APBB2: variants seen among roughly 807,000 people sequenced by gnomAD.
APBB2 encodes amyloid beta precursor protein binding family B member 2, also known as Fe65-like 1.
A neutral mutation model predicts 82.5 loss-of-function variants in APBB2; 38 were observed. The observed-to-expected ratio is 0.46, with a 90% CI of 0.36 to 0.60. The LOEUF is 0.60. Ranked by LOEUF, APBB2 falls within the 20% of genes least tolerant of loss-of-function variation. The pLI is 0.00. For missense variants in APBB2, 772 were observed against 972.3 expected, an observed-to-expected ratio of 0.79 and a Z score of 2.74; for synonymous variants, 341 against 368.2, an observed-to-expected ratio of 0.93 and a Z score of 0.85.
rs112154831 is a variant in APBB2 at position 41,081,933 on chromosome 4, T to A, written c.-148-16260A>T. 7.7e-3 allele frequency among the ~76,000 whole-genome samples: 1,179 copies of A among 152,340 alleles called. 17 individuals carry two copies. Among genetic ancestry groups the A allele is most frequent in the African/African-American group, 0.026 (1,101 of 41,576 alleles). ...AAAAGCAAGTCAAATGAACTACCGA[T>A]ACTTTGACACCTACTACAAATACAG... On this transcript the variant is annotated intron_variant, in intron 3 of 17. Coordinates refer to ENST00000508593, the MANE Select transcript of APBB2 (RefSeq NM_004307.2).
chr4:40,844,611 C>CAGGT (rs1756973545), intron 12 of APBB2, among the ~76,000 whole-genome samples: 1 of 152,174 alleles, frequency 6.6e-6, no homozygotes, highest in African/African-American at 2.4e-5. Context: ...CCCCTTGGCT[C>CAGGT]AGGTCCCTCT....
intron 3 of APBB2, among the ~76,000 whole-genome samples, chr4:41,086,368 A>G (rs541813280): frequency 6.6e-6 from 1 of 152,326 alleles, no homozygotes; most frequent in Non-Finnish European, 1.5e-5. Context: ...AAAAATAAGA[A>G]AACTACAAGC....
At chr4:41,161,793 A>G (rs949227836) in intron 1 of APBB2, among the ~76,000 whole-genome samples, 1 of 152,168 alleles carries the variant, frequency 6.6e-6, no homozygotes, top group Admixed American at 6.5e-5. Flanking sequence ...CCCAAATTCC[A>G]GTGTAAAGTT....
At chr4:41,098,222 A>T (rs1269475003) in intron 3 of APBB2, among the ~76,000 whole-genome samples, 1 of 152,038 alleles carries the variant, frequency 6.6e-6, no homozygotes, top group Non-Finnish European at 1.5e-5. Context: ...ATCTCACTCA[A>T]GTGTCAGGCT....
chr4:40,899,565 A>G (rs1774677775), intron 10 of APBB2, among the ~76,000 whole-genome samples: 1 of 152,254 alleles, frequency 6.6e-6, no homozygotes, highest in Non-Finnish European at 1.5e-5. Context: ...CTCAGCCTCC[A>G]GGCATCTAAG....
intron 3 of APBB2, among the ~76,000 whole-genome samples, chr4:41,086,271 A>G (rs1036480998): frequency 1.3e-5 from 2 of 152,068 alleles, no homozygotes; most frequent in Non-Finnish European, 2.9e-5. Flanking sequence ...TCAATCCTCA[A>G]CTCCTCCAAA....
intron 10 of APBB2, among the ~76,000 whole-genome samples, chr4:40,909,821 T>A (rs920200936): frequency 1.3e-5 from 2 of 152,146 alleles, no homozygotes; most frequent in Non-Finnish European, 1.5e-5. Flanking sequence ...AGGGAAAGCA[T>A]GAAGGTGGGC....
intron 1 of APBB2, among the ~76,000 whole-genome samples, chr4:41,149,934 G>A (rs537907857): frequency 6.6e-6 from 1 of 152,264 alleles, no homozygotes; most frequent in African/African-American, 2.4e-5. Context: ...ATGACTGTGA[G>A]GCCTCCCCAG....
intron 12 of APBB2, among the ~76,000 whole-genome samples, chr4:40,842,996 T>C (rs1224136373): frequency 1.3e-5 from 2 of 151,934 alleles, no homozygotes; most frequent in Non-Finnish European, 2.9e-5. Flanking sequence ...AGGAACACAG[T>C]GCAAGTCTGG....
intron 2 of APBB2, among the ~76,000 whole-genome samples, chr4:41,129,715 C>A (rs1755429223): frequency 6.6e-6 from 1 of 151,982 alleles, no homozygotes; most frequent in African/African-American, 2.4e-5. Context: ...TACCCAGTCC[C>A]CACCAGACAC....
intron 6 of APBB2, among the ~76,000 whole-genome samples, chr4:40,985,969 G>A (rs62412070): frequency 0.032 from 4,806 of 152,194 alleles, 126 homozygotes; most frequent in African/African-American, 0.076. Flanking sequence ...TTGTCCCAGA[G>A]AAGAAATAAG....
chr4:41,126,872 GTAAATTTATCTTACCTCTTTAAGATAAT>G (rs1754563690), intron 2 of APBB2, among the ~76,000 whole-genome samples: 1 of 152,046 alleles, frequency 6.6e-6, no homozygotes. Flanking sequence ...TCTTTAAGAG[GTAAATTTATCTTACCTCTTTAAGATAAT>G]TAAATTTATC....
At chr4:40,877,325 C>T (rs375419855) in intron 12 of APBB2, among the ~76,000 whole-genome samples, 10 of 152,300 alleles carry the variant, frequency 6.6e-5, no homozygotes, top group Admixed American at 2.0e-4. Context: ...TTTACACCCT[C>T]GTGGCACGTG....
chr4:41,047,557 C>T (rs898603251), intron 4 of APBB2, among the ~76,000 whole-genome samples: 4 of 152,186 alleles, frequency 2.6e-5, no homozygotes, highest in Admixed American at 2.6e-4. Context: ...CACATAAATC[C>T]TAGAATGCTG....
chr4:40,885,456 A>C (rs541929270), intron 12 of APBB2, among the ~76,000 whole-genome samples: 1 of 152,306 alleles, frequency 6.6e-6, no homozygotes, highest in South Asian at 2.1e-4. Flanking sequence ...GCGTGCTAGG[A>C]GATAAATTAC....
chr4:41,134,127 T>C (rs1580309217), intron 2 of APBB2, among the ~76,000 whole-genome samples: 1 of 152,156 alleles, frequency 6.6e-6, no homozygotes, highest in South Asian at 2.1e-4. Flanking sequence ...TGTGCCACCA[T>C]ACCTGGCTAA....
chr4:40,952,780 C>T (rs918717659), intron 6 of APBB2, among the ~76,000 whole-genome samples: 2 of 152,138 alleles, frequency 1.3e-5, no homozygotes, highest in Admixed American at 6.5e-5. Flanking sequence ...GCTATCTTCC[C>T]GCTGGGATGT....
chr4:41,204,761 G>A (rs923755769), intron 1 of APBB2, among the ~76,000 whole-genome samples: 6 of 152,228 alleles, frequency 3.9e-5, no homozygotes, highest in Non-Finnish European at 5.9e-5. Context: ...AGTGAACAGA[G>A]CTGGATAAGC....
At chr4:40,877,659 G>A (rs929654590) in intron 12 of APBB2, among the ~76,000 whole-genome samples, 7 of 152,220 alleles carry the variant, frequency 4.6e-5, no homozygotes, top group African/African-American at 1.2e-4. Flanking sequence ...TAGTTCACCT[G>A]CTGGGACAGA....
Sources: gnomAD v4.1 joint callset for allele counts (sites outside exome capture counted in the v4.1 genomes callset) on GRCh38, gnomAD v4.1.1 for gene constraint, MANE v1.5 for transcripts, NCBI Gene and HGNC (gene_info 2026-07-23, HGNC 2026-07-21) for gene names.